The following EMC2 variants were observed in gnomAD, a reference collection of about 807,000 sequenced individuals.
EMC2 encodes TPR repeat protein 35.
EMC2 carries 37 observed loss-of-function variants against 51.6 expected under a neutral mutation model. The ratio of observed to expected loss-of-function variants is 0.72; its 90% CI spans 0.55 to 0.94. The LOEUF is 0.94. Among genes scored for constraint, EMC2 ranks in the 40% least tolerant of loss-of-function variants. EMC2 has a pLI of 0.00. For synonymous variants in EMC2, 131 were observed against 112.4 expected (o/e 1.17, Z -1.04); for missense variants, 359 against 350.9 (o/e 1.02, Z -0.18).
intron 10 of EMC2, among the ~76,000 whole-genome samples, chr8:108,484,610 AG>A (rs1434932635): frequency 6.6e-6 from 1 of 152,006 alleles, no homozygotes; most frequent in Non-Finnish European, 1.5e-5. Context: ...GCTATTTAAA[AG>A]CAATTAGAAT....
chr8:108,479,558 T>G (rs893401024), intron 10 of EMC2, among the ~76,000 whole-genome samples: 1 of 152,170 alleles, frequency 6.6e-6, no homozygotes, highest in East Asian at 1.9e-4. Context: ...TTACTGAAAC[T>G]TCTCCATTTG....
In EMC2 at chr8:108,470,141, A is replaced by G; in HGVS notation, c.509+20A>G. ...ACATGAGTAAGTTATTAAACACACA[A>G]CATTTTGTTGAGTGCAGTTTTCATC... is the stretch of plus-strand genomic sequence containing the variant. On this transcript the variant is annotated intron_variant, in intron 7 of 10. Transcript: ENST00000220853. 1 of 1,582,930 alleles carries G rather than the reference A, an allele frequency of 6.3e-7. No individual in the cohort carries two copies. Among genetic ancestry groups the G allele is most frequent in the Non-Finnish European group, 8.7e-7 (1 of 1,153,044 alleles).
intron 10 of EMC2, among the ~76,000 whole-genome samples, chr8:108,483,706 T>C (rs1432231041): frequency 6.6e-6 from 1 of 152,148 alleles, no homozygotes; most frequent in Non-Finnish European, 1.5e-5. Context: ...TTTGGTTGTT[T>C]TTGTGTTTTT....
In EMC2 at chr8:108,455,890, A is replaced by G. The variant is rs920399910; in HGVS notation, c.323A>G (p.Gln108Arg). ...EAMERYDDAI[Q>R]LYDRILQEDP... Reference sequence around the variant, plus strand: ...TTAAATAGATATGATGATGCTATACAGCTATATGATAGGATTTTACAAGAA... The same window carrying G: ...TTAAATAGATATGATGATGCTATACGGCTATATGATAGGATTTTACAAGAA... The change falls in exon 5 of 11, where the codon CAG becomes CGG. Residue 108 changes from glutamine to arginine, a missense_variant. Gln to Arg is a conservative substitution (Grantham distance 43, BLOSUM62 1). Transcript: ENST00000220853. 2 of 1,329,428 alleles carry G rather than the reference A, an allele frequency of 1.5e-6. No homozygotes were observed. The highest frequency in any genetic ancestry group is 2.1e-6 in the Non-Finnish European group (2 of 964,340). The allele number at this position is 1,329,428 out of a possible 1,614,324, so 82.4% of individuals were successfully genotyped here.
chr8:108,457,651 A>G (rs985318903), intron 5 of EMC2, among the ~76,000 whole-genome samples: 8 of 152,120 alleles, frequency 5.3e-5, no homozygotes, highest in Non-Finnish European at 1.2e-4. Context: ...TCACAAGAAC[A>G]GTGCAGGAGA....
chr8:108,465,804 G>A (rs3802244), intron 5 of EMC2, among the ~76,000 whole-genome samples: 104,079 of 152,140 alleles, frequency 0.68, 36,168 homozygotes, highest in African/African-American at 0.81. Flanking sequence ...TTATTGAGCT[G>A]TGATTTTGTT....
chr8:108,459,751 T>TGTGTGA (rs2130362651), intron 5 of EMC2, among the ~76,000 whole-genome samples: 1 of 151,938 alleles, frequency 6.6e-6, no homozygotes, highest in South Asian at 2.1e-4. Context: ...TGTGTGTGTG[T>TGTGTGA]GTGATTGTTT....
At chr8:108,463,790 A>G (rs1195000962) in intron 5 of EMC2, among the ~76,000 whole-genome samples, 1 of 152,160 alleles carries the variant, frequency 6.6e-6, no homozygotes, top group African/African-American at 2.4e-5. Context: ...CAGGAAATGC[A>G]CCACTGAGAC....
chr8:108,468,049 C>T (rs929724707), intron 5 of EMC2, among the ~76,000 whole-genome samples: 1 of 151,980 alleles, frequency 6.6e-6, no homozygotes, highest in East Asian at 1.9e-4. Flanking sequence ...TTTTGGATTT[C>T]AAAACAGACA....
At chr8:108,463,937 T>C (rs1169803923) in intron 5 of EMC2, 1 of 152,508 alleles carries the variant, frequency 6.6e-6, no homozygotes, top group African/African-American at 2.4e-5. Flanking sequence ...CACCAAACCC[T>C]CCACTAACCC....
At chr8:108,483,522 C>T (rs1811083373) in intron 10 of EMC2, among the ~76,000 whole-genome samples, 1 of 152,150 alleles carries the variant, frequency 6.6e-6, no homozygotes, top group South Asian at 2.1e-4. Flanking sequence ...TTCTTTCACT[C>T]AGCATGTTTT....
Position 108,450,413 on chromosome 8 carries a change from T to C in EMC2, c.155-15T>C. 6.5e-7 allele frequency: 1 copy of C among 1,540,104 alleles called. No homozygotes were observed. The highest frequency in any genetic ancestry group is 9.0e-7 in the Non-Finnish European group (1 of 1,113,852). On this transcript the variant is annotated splice_polypyrimidine_tract_variant and intron_variant, in intron 2 of 10. Transcript: ENST00000220853. ...ATATTAAATTCAGTTTTTTTCCCCC[T>C]TTATGTGTATCTAGTTTGGATCATA...
intron 6 of EMC2, 26 bp from the exon 7 acceptor site, chr8:108,470,036 A>G: frequency 6.2e-7 from 1 of 1,603,458 alleles, no homozygotes; most frequent in South Asian, 1.1e-5. Flanking sequence ...CTACACACTT[A>G]CTTTTTTTTC....
rs1423747501 is a variant in EMC2 at position 108,479,071 on chromosome 8, T to C, written c.768T>C (p.Tyr256=). ...AAACGAAAAAGGACAACATGAAATA[T>C]GCTAGTTGGGCAGCTAGTCAAATAA... ...SAKTKKDNMK[Y]ASWAASQINR... is the part of the protein sequence containing the mutation. The change falls in exon 10 of 11, where the codon TAT becomes TAC. Residue 256 remains tyrosine, a synonymous_variant. Coordinates refer to ENST00000220853, the MANE Select transcript of EMC2 (RefSeq NM_014673.5). 1.4e-5 allele frequency: 23 copies of C among 1,588,822 alleles called. No individual in the cohort carries two copies. The highest frequency in any genetic ancestry group is 3.5e-5 in the Admixed American group (2 of 56,990).
chr8:108,455,898 G>T lies in EMC2; in HGVS notation c.331G>T (p.Asp111Tyr). 2 of 1,357,050 alleles carry T rather than the reference G, an allele frequency of 1.5e-6. No homozygotes were observed. The highest frequency in any genetic ancestry group is 2.8e-5 in the South Asian group (2 of 70,512). The allele number at this position is 1,357,050 out of a possible 1,614,324, so 84.1% of individuals were successfully genotyped here. A position where few individuals can be genotyped will look rare whatever the true frequency, so the allele number is the denominator to read the frequency against. ...ATATGATGATGCTATACAGCTATAT[G>T]ATAGGATTTTACAAGAAGATCCAAC... ...ERYDDAIQLYDRILQEDPTNT... is the reference protein window; with the variant it reads ...ERYDDAIQLYYRILQEDPTNT... The change falls in exon 5 of 11, where the codon GAT (aspartate) becomes TAT (tyrosine). Residue 111 changes from aspartate (D) to tyrosine (Y), a missense_variant. Physicochemically the swap from Asp to Tyr is radical, Grantham distance 160. Transcript: ENST00000220853.
chr8:108,448,509 A>G (rs1416339914), intron 1 of EMC2, among the ~76,000 whole-genome samples: 1 of 152,156 alleles, frequency 6.6e-6, no homozygotes, highest in Non-Finnish European at 1.5e-5. Context: ...TGGGTCTCAC[A>G]AGATCTCATG....
intron 5 of EMC2, among the ~76,000 whole-genome samples, chr8:108,461,467 A>G (rs2130367035): frequency 6.6e-6 from 1 of 152,284 alleles, no homozygotes; most frequent in Middle Eastern, 3.4e-3. Flanking sequence ...TTCTTTGATG[A>G]CTTGCTGCAT....
At chr8:108,479,282 C>G (rs1811004550) in intron 10 of EMC2, among the ~76,000 whole-genome samples, 172 bp downstream of exon 10, 1 of 151,756 alleles carries the variant, frequency 6.6e-6, no homozygotes, top group African/African-American at 2.4e-5. Flanking sequence ...CCTTTTTTTC[C>G]CCTCAAGAGG....
chr8:108,446,180 C>T lies in EMC2; in HGVS notation c.40+2482C>T, dbSNP rs777657716. 41 of 305,114 alleles carry T rather than the reference C, an allele frequency of 1.3e-4. 1 individual carries two copies. The highest frequency in any genetic ancestry group is 2.5e-4 in the Non-Finnish European group (37 of 146,514). The allele number at this position is 305,114 out of a possible 1,614,324, so 18.9% of individuals were successfully genotyped here. On this transcript the variant is annotated intron_variant, in intron 1 of 10. Transcript: ENST00000220853. ...TCCTCAGTGCCCAGATCAGGCCTGG[C>T]ACATAGGCATTTAGGAAATATTAGT...
Sources: allele counts gnomAD v4.1 joint callset (sites outside exome capture counted in the v4.1 genomes callset), GRCh38; gene constraint gnomAD v4.1.1; transcripts MANE v1.5; gene names NCBI Gene and HGNC (gene_info 2026-07-23, HGNC 2026-07-21).